MFAP1: variants seen among roughly 807,000 people sequenced by gnomAD.
MFAP1 encodes the protein microfibrillar-associated protein 1.
A neutral mutation model predicts 62.2 loss-of-function variants in MFAP1; 18 were observed. That is an observed-to-expected ratio of 0.29 (90% CI 0.20 to 0.43). The LOEUF (loss-of-function observed/expected upper bound fraction) is 0.43. Ranked by LOEUF, MFAP1 falls within the 20% of genes least tolerant of loss-of-function variation. The pLI is 1.00. For missense variants in MFAP1, 355 were observed against 559.7 expected, an observed-to-expected ratio of 0.63 and a Z score of 3.69; for synonymous variants, 175 against 180.4, an observed-to-expected ratio of 0.97 and a Z score of 0.24.
chr15:43,812,906 G>T (rs2087410767), intron 6 of MFAP1, 81 bp downstream of exon 6: 1 of 1,475,990 alleles, frequency 6.8e-7, no homozygotes, highest in East Asian at 2.3e-5. Flanking sequence ...GGAACTCACA[G>T]TAGGTAATGA....
At chr15:43,810,712 T>A (rs2087395359) in intron 6 of MFAP1, among the ~76,000 whole-genome samples, 1 of 151,638 alleles carries the variant, frequency 6.6e-6, no homozygotes, top group South Asian at 2.1e-4. Flanking sequence ...GGGAGTGATA[T>A]CCCTTGTCTC....
chr15:43,814,889 T>G, intron 3 of MFAP1, 56 bp downstream of exon 3: 1 of 1,602,610 alleles, frequency 6.2e-7, no homozygotes, highest in Non-Finnish European at 8.5e-7. Context: ...AAATGAGCAC[T>G]GGCATGAACT....
chr15:43,815,225 G>C, intron 2 of MFAP1, 151 bp from the exon 3 acceptor site: 1 of 974,826 alleles, frequency 1.0e-6, no homozygotes, highest in Non-Finnish European at 1.5e-6. Flanking sequence ...TGTCGCCCAG[G>C]CTGCAGTGCA....
intron 1 of MFAP1, among the ~76,000 whole-genome samples, chr15:43,819,539 TA>T (rs1361425307): frequency 6.6e-6 from 1 of 152,146 alleles, no homozygotes; most frequent in Non-Finnish European, 1.5e-5. Context: ...TTTATTTATT[TA>T]TTTTTTTTGA....
chr15:43,810,081 T>TA (rs1196225580), intron 6 of MFAP1, 167 bp from the exon 7 acceptor site: 7 of 740,710 alleles, frequency 9.5e-6, no homozygotes, highest in Admixed American at 2.9e-5. Context: ...ATGGGTGAGT[T>TA]AGTCTTCATT....
intron 6 of MFAP1, among the ~76,000 whole-genome samples, chr15:43,811,050 C>T (rs559098778): frequency 3.3e-5 from 5 of 151,640 alleles, no homozygotes; most frequent in East Asian, 4.0e-4. Context: ...CCACCACGCC[C>T]GGCCTTGTGT....
At chr15:43,812,766 C>T (rs1330654120) in intron 6 of MFAP1, among the ~76,000 whole-genome samples, 1 of 152,210 alleles carries the variant, frequency 6.6e-6, no homozygotes, top group African/African-American at 2.4e-5. Flanking sequence ...GGAGCACTGG[C>T]TGGCACTCTA....
intron 4 of MFAP1, 151 bp from the exon 5 acceptor site, chr15:43,813,508 C>CTT (rs10709037): frequency 9.4e-4 from 235 of 249,144 alleles, no homozygotes; most frequent in South Asian, 1.8e-3. Context: ...CATCCCAGGT[C>CTT]TTTTTTTTTT....
intron 4 of MFAP1, among the ~76,000 whole-genome samples, chr15:43,813,817 C>T (rs960550883): frequency 6.6e-6 from 1 of 152,066 alleles, no homozygotes; most frequent in Non-Finnish European, 1.5e-5. Context: ...GCCATCATCC[C>T]AGGTCTTTAG....
At chr15:43,812,720 C>T (rs1236609002) in intron 6 of MFAP1, among the ~76,000 whole-genome samples, 2 of 152,230 alleles carry the variant, frequency 1.3e-5, no homozygotes, top group Non-Finnish European at 2.9e-5. Context: ...TAACTACTAA[C>T]AGTTACTAAT....
chr15:43,807,618 G>A (rs1465569992), intron 7 of MFAP1, among the ~76,000 whole-genome samples: 1 of 151,824 alleles, frequency 6.6e-6, no homozygotes, highest in Non-Finnish European at 1.5e-5. Flanking sequence ...AAAGTGCTGG[G>A]ATTACAGGCG....
intron 7 of MFAP1, 102 bp from the exon 8 acceptor site, chr15:43,805,567 G>T: frequency 3.3e-6 from 3 of 901,654 alleles, no homozygotes; most frequent in Non-Finnish European, 3.3e-6. Flanking sequence ...AAAGCAGAGG[G>T]TATTGAGCCT....
intron 7 of MFAP1, among the ~76,000 whole-genome samples, chr15:43,806,087 G>A (rs1178025391): frequency 2.0e-5 from 3 of 151,678 alleles, no homozygotes; most frequent in Non-Finnish European, 4.4e-5. Context: ...CCTCCTGAGT[G>A]GCTGGGACTA....
At position 43,805,515 on chromosome 15, in the gene MFAP1, C is replaced by A. The variant is rs4924723; in HGVS notation, c.1048-50G>T. 5 of 1,450,900 alleles carry A rather than the reference C, an allele frequency of 3.4e-6. No individual in the cohort carries two copies. In the Admixed American group the frequency reaches 8.6e-5, roughly 25 times the overall value. 89.9% of individuals were successfully genotyped at this position (1,450,900 alleles called of 1,614,324 possible). A position where few individuals can be genotyped will look rare whatever the true frequency, so the allele number is the denominator to read the frequency against. ...CTTGTGGCTTTATTTCCTATATATT[C>A]AAACCACAAATTTATTAAACTCTAC... On this transcript the variant is annotated intron_variant, in intron 7 of 8. Transcript: ENST00000267812.
Position 43,804,971 on chromosome 15 carries a change from A to G in MFAP1, c.*123T>C. On this transcript the variant is annotated 3_prime_UTR_variant, in exon 9 of 9. Coordinates refer to ENST00000267812, the MANE Select transcript of MFAP1 (RefSeq NM_005926.3). ...CAAAGTCTGGGCTACCCAGTATCAC[A>G]AGTATAGCAGTAAGTCCAATATCTG... The G allele has an allele frequency of 3.7e-6, 4 of 1,078,048 alleles. No homozygotes were observed. The highest frequency in any genetic ancestry group is 5.3e-6 in the Non-Finnish European group (4 of 751,992). 66.8% of individuals were successfully genotyped at this position (1,078,048 alleles called of 1,614,324 possible).
At chr15:43,814,145 C>T (rs1023213038) in intron 4 of MFAP1, among the ~76,000 whole-genome samples, 2 of 152,030 alleles carry the variant, frequency 1.3e-5, no homozygotes, top group Admixed American at 6.6e-5. Flanking sequence ...CCCAGCTACT[C>T]GGGAGACAGA....
Position 43,813,095 on chromosome 15 carries a change from G to A in MFAP1, c.779C>T (p.Ala260Val). The A allele has an allele frequency of 6.2e-7, 1 of 1,614,118 alleles. No homozygotes were observed. Among genetic ancestry groups the A allele is most frequent in the South Asian group, 1.1e-5 (1 of 91,086 alleles). Residue 260 changes from alanine to valine, a missense_variant, in exon 6 of 9, where the codon GCT (alanine) becomes GTT (valine). By Grantham distance (64) the Ala-to-Val change is moderately conservative. This residue lies in a region of MFAP1 where 257 missense variants were observed against 341.3 expected (regional missense o/e 0.75). Coordinates refer to ENST00000267812, the MANE Select transcript of MFAP1 (RefSeq NM_005926.3). ...KELEENKRSL[A>V]ALDALNTDDE... ...ATCAGTATTGAGTGCATCCAATGCA[G>A]CCAGGGATCGCTTGTTCTCTTCCAG...
intron 1 of MFAP1, among the ~76,000 whole-genome samples, chr15:43,820,494 CA>C (rs943173525): frequency 6.6e-6 from 1 of 152,080 alleles, no homozygotes; most frequent in African/African-American, 2.4e-5. Context: ...TTGTAGAAAA[CA>C]CAAGATAACA....
At chr15:43,805,502 T>C (rs561141724) in intron 7 of MFAP1, 37 bp from the exon 8 acceptor site, 7 of 1,549,676 alleles carry the variant, frequency 4.5e-6, no homozygotes, top group South Asian at 2.4e-5. Context: ...TGTGGCTTTA[T>C]TTCCTATATA....
Sources: allele counts gnomAD v4.1 joint callset (sites outside exome capture counted in the v4.1 genomes callset), GRCh38; gene constraint gnomAD v4.1.1; regional missense constraint gnomAD v4.1.1; transcripts MANE v1.5; gene names NCBI Gene and HGNC (gene_info 2026-07-23, HGNC 2026-07-21).